Variants in NDST3 observed in about 807,000 individuals in gnomAD.
The protein encoded by NDST3 is bifunctional heparan sulfate N-deacetylase/N-sulfotransferase 3.
A neutral mutation model predicts 96.1 loss-of-function variants in NDST3; 58 were observed. That is an observed-to-expected ratio of 0.60 (90% CI 0.49 to 0.75). NDST3 has a LOEUF of 0.75. NDST3 is among the 30% of genes least tolerant of loss of function. NDST3 has a pLI of 0.00. For synonymous variants in NDST3, 333 were observed against 359.7 expected (o/e 0.93, Z 0.84); for missense variants, 788 against 1,034.2 (o/e 0.76, Z 3.27).
At chr4:118,238,082 T>C (rs983706974) in intron 10 of NDST3, among the ~76,000 whole-genome samples, 2 of 146,916 alleles carry the variant, frequency 1.4e-5, no homozygotes, top group Admixed American at 7.1e-5. Context: ...TGAGCTGTGA[T>C]TGCAGCATGT....
At chr4:118,166,638 C>T (rs749617658) in intron 6 of NDST3, among the ~76,000 whole-genome samples, 1 of 151,892 alleles carries the variant, frequency 6.6e-6, no homozygotes, top group South Asian at 2.1e-4. Context: ...AACATAGATA[C>T]AAAAATCCTC....
intron 6 of NDST3, among the ~76,000 whole-genome samples, chr4:118,188,833 T>C (rs2125962150): frequency 6.6e-6 from 1 of 152,224 alleles, no homozygotes; most frequent in East Asian, 1.9e-4. Flanking sequence ...TCTATGTGCT[T>C]GTGAAGTTTT....
intron 6 of NDST3, among the ~76,000 whole-genome samples, chr4:118,174,722 AT>A (rs1161801188): frequency 6.6e-6 from 1 of 151,866 alleles, no homozygotes; most frequent in African/African-American, 2.4e-5. Flanking sequence ...GCACTGTTTC[AT>A]TTTAATTTTT....
intron 2 of NDST3, among the ~76,000 whole-genome samples, chr4:118,065,969 G>C (rs1456386351): frequency 2.1e-5 from 3 of 145,544 alleles, no homozygotes; most frequent in African/African-American, 7.7e-5. Context: ...AATATTGCGT[G>C]TAGAAATTAG....
chr4:118,250,125 A>C (rs1741592171), intron 12 of NDST3, among the ~76,000 whole-genome samples: 2 of 152,140 alleles, frequency 1.3e-5, no homozygotes, highest in Admixed American at 6.6e-5. Context: ...GACATGAGTA[A>C]TTTGTATTTT....
rs1266200193 is a variant in NDST3 at position 118,233,148 on chromosome 4, A to G, written c.1943+13A>G. On this transcript the variant is annotated intron_variant, in intron 9 of 13. Transcript: ENST00000296499. ...GGGGGATTGATTGGTAAGATGGGTT[A>G]TTAGTATAAATCTAAAAGTATATGT... 3 of 1,604,560 alleles carry G rather than the reference A, an allele frequency of 1.9e-6. No individual in the cohort carries two copies. Among genetic ancestry groups the G allele is most frequent in the Admixed American group, 1.7e-5 (1 of 59,860 alleles).
intron 1 of NDST3, among the ~76,000 whole-genome samples, chr4:118,049,425 G>A (rs1364254735): frequency 2.0e-5 from 3 of 151,604 alleles, no homozygotes; most frequent in African/African-American, 7.3e-5. Context: ...AAAGACCAAT[G>A]AAACCAAGAG....
chr4:118,153,870 T>C lies in NDST3; in HGVS notation c.1539+10186T>C, dbSNP rs114099018. 6.5e-3 allele frequency among the ~76,000 whole-genome samples: 988 copies of C among 152,232 alleles called. 11 individuals carry two copies. Among genetic ancestry groups the C allele is most frequent in the African/African-American group, 0.022 (926 of 41,526 alleles). ...TTTTAATGACGTGAAATATTCATGA[T>C]CTTCTCAATGGGAAAAGTAAATTAC... is the stretch of plus-strand genomic sequence containing the variant. On this transcript the variant is annotated intron_variant, in intron 6 of 13. Coordinates refer to ENST00000296499, the MANE Select transcript of NDST3 (RefSeq NM_004784.3).
At chr4:118,063,827 T>G (rs1044235257) in intron 2 of NDST3, among the ~76,000 whole-genome samples, 3 of 152,136 alleles carry the variant, frequency 2.0e-5, no homozygotes, top group Admixed American at 2.0e-4. Context: ...GAATACAAAA[T>G]GCAGATCTAC....
At chr4:118,206,880 C>G (rs1355514437) in intron 6 of NDST3, among the ~76,000 whole-genome samples, 1 of 143,192 alleles carries the variant, frequency 7.0e-6, no homozygotes, top group African/African-American at 2.6e-5. Flanking sequence ...AGAATTTATC[C>G]TCAGATATAT....
chr4:118,117,858 T>C (rs1240853583), intron 4 of NDST3, among the ~76,000 whole-genome samples: 1 of 152,224 alleles, frequency 6.6e-6, no homozygotes, highest in Non-Finnish European at 1.5e-5. Context: ...ATTTCTTTTC[T>C]GCTGGTAATC....
intron 3 of NDST3, among the ~76,000 whole-genome samples, chr4:118,111,921 C>T (rs974863642): frequency 5.3e-5 from 8 of 151,594 alleles, no homozygotes; most frequent in Non-Finnish European, 1.0e-4. Flanking sequence ...CTTGATCTGC[C>T]CGCCTCAGCC....
intron 6 of NDST3, among the ~76,000 whole-genome samples, chr4:118,166,765 T>C (rs1330387333): frequency 6.6e-6 from 1 of 151,954 alleles, no homozygotes; most frequent in African/African-American, 2.4e-5. Flanking sequence ...GTTAATGTAA[T>C]ATACCAAAAT....
At chr4:118,102,326 C>A (rs1045898308) in intron 2 of NDST3, among the ~76,000 whole-genome samples, 2 of 151,926 alleles carry the variant, frequency 1.3e-5, no homozygotes, top group Non-Finnish European at 2.9e-5. Flanking sequence ...TTGAGGAGAC[C>A]ACTAAATTGT....
At chr4:118,141,885 G>A (rs1405226217) in intron 5 of NDST3, among the ~76,000 whole-genome samples, 1 of 151,930 alleles carries the variant, frequency 6.6e-6, no homozygotes, top group African/African-American at 2.4e-5. Flanking sequence ...CTAACTCCAT[G>A]CAACCTATTA....
chr4:118,255,519 T>C (rs1452548689), intron 13 of NDST3, 74 bp from the exon 14 acceptor site: 1 of 1,447,208 alleles, frequency 6.9e-7, no homozygotes, highest in East Asian at 2.4e-5. Flanking sequence ...TTGGTACTTA[T>C]TTCAACGTAG....
chr4:118,159,704 A>G (rs552250865), intron 6 of NDST3, among the ~76,000 whole-genome samples: 1 of 152,346 alleles, frequency 6.6e-6, no homozygotes, highest in South Asian at 2.1e-4. Flanking sequence ...GAATTTCAAC[A>G]AAGAAATAGA....
intron 6 of NDST3, among the ~76,000 whole-genome samples, chr4:118,198,407 C>T (rs1017900043): frequency 2.6e-5 from 4 of 152,200 alleles, no homozygotes; most frequent in Non-Finnish European, 1.5e-5. Flanking sequence ...GATAATAACA[C>T]TGTTTGCATA....
At chr4:118,127,307 T>G (rs578246560) in intron 4 of NDST3, among the ~76,000 whole-genome samples, 3 of 152,094 alleles carry the variant, frequency 2.0e-5, no homozygotes, top group South Asian at 2.1e-4. Flanking sequence ...TGTTTTCTTA[T>G]AGTAGTTTCA....
Sources: allele counts gnomAD v4.1 joint callset (sites outside exome capture counted in the v4.1 genomes callset), GRCh38; gene constraint gnomAD v4.1.1; transcripts MANE v1.5; gene names NCBI Gene and HGNC (gene_info 2026-07-23, HGNC 2026-07-21).